SLC1A1: variants seen among roughly 807,000 people sequenced by gnomAD.
SLC1A1 encodes solute carrier family 1 member 1, also known as excitatory amino acid transporter 3.
A neutral mutation model predicts 53.3 loss-of-function variants in SLC1A1; 43 were observed. The observed-to-expected ratio is 0.81, with a 90% CI of 0.63 to 1.04. The LOEUF (loss-of-function observed/expected upper bound fraction) is 1.04. Among genes scored for constraint, SLC1A1 ranks in the 50% least tolerant of loss-of-function variants. The probability of loss-of-function intolerance (pLI) is 0.00; values close to 1 mark genes in which losing one functional copy is unlikely to be tolerated. For synonymous variants in SLC1A1, 307 were observed against 243.2 expected (o/e 1.26, Z -2.44); for missense variants, 748 against 664.9 (o/e 1.12, Z -1.37).
intron 1 of SLC1A1, among the ~76,000 whole-genome samples, chr9:4,536,354 A>AAAAC (rs202167533): frequency 0.35 from 52,498 of 151,740 alleles, 9,787 homozygotes; most frequent in Admixed American, 0.42. Context: ...ACAAGAAAAA[A>AAAAC]AAACAGCCCC....
At chr9:4,506,084 C>T (rs1388073528) in intron 1 of SLC1A1, among the ~76,000 whole-genome samples, 1 of 152,156 alleles carries the variant, frequency 6.6e-6, no homozygotes, top group East Asian at 1.9e-4. Context: ...CCTCTGCCTC[C>T]CAAATTGCTG....
intron 1 of SLC1A1, among the ~76,000 whole-genome samples, chr9:4,523,803 C>G (rs1261549201): frequency 6.6e-6 from 1 of 152,184 alleles, no homozygotes; most frequent in Non-Finnish European, 1.5e-5. Flanking sequence ...CCTAATGACT[C>G]CATGAGGTTG....
chr9:4,577,892 G>C (rs1820711287), intron 10 of SLC1A1, among the ~76,000 whole-genome samples: 1 of 152,194 alleles, frequency 6.6e-6, no homozygotes, highest in Non-Finnish European at 1.5e-5. Flanking sequence ...GTATTAGAAG[G>C]CACTGACACT....
chr9:4,514,217 C>G (rs1821088159), intron 1 of SLC1A1, among the ~76,000 whole-genome samples: 1 of 152,176 alleles, frequency 6.6e-6, no homozygotes, highest in Non-Finnish European at 1.5e-5. Flanking sequence ...CAAACATGCC[C>G]TTAAGAGTCA....
chr9:4,512,322 G>A (rs893387623), intron 1 of SLC1A1, among the ~76,000 whole-genome samples: 9 of 152,012 alleles, frequency 5.9e-5, no homozygotes, highest in African/African-American at 2.2e-4. Flanking sequence ...ACACCATCTT[G>A]GGCAACGTGG....
chr9:4,497,512 T>A (rs1586686701), intron 1 of SLC1A1, among the ~76,000 whole-genome samples: 1 of 152,336 alleles, frequency 6.6e-6, no homozygotes, highest in Non-Finnish European at 1.5e-5. Flanking sequence ...CTGAGCCATT[T>A]ATGACCCAGA....
intron 1 of SLC1A1, among the ~76,000 whole-genome samples, chr9:4,504,477 C>T (rs1481107031): frequency 3.9e-5 from 6 of 152,146 alleles, no homozygotes; most frequent in Admixed American, 6.6e-5. Flanking sequence ...ACCAAAGAGT[C>T]GGAAAATAAG....
chr9:4,542,427 C>G (rs951880285), intron 1 of SLC1A1, among the ~76,000 whole-genome samples: 1 of 152,158 alleles, frequency 6.6e-6, no homozygotes, highest in African/African-American at 2.4e-5. Flanking sequence ...AATGACCCTA[C>G]ATTAATTTAG....
intron 2 of SLC1A1, among the ~76,000 whole-genome samples, chr9:4,547,939 T>C (rs984415945): frequency 2.6e-5 from 4 of 152,036 alleles, no homozygotes; most frequent in African/African-American, 9.7e-5. Context: ...CACAACAGGA[T>C]AGTGTATACA....
intron 10 of SLC1A1, among the ~76,000 whole-genome samples, chr9:4,581,873 A>T (rs1821130506): frequency 6.6e-6 from 1 of 152,242 alleles, no homozygotes; most frequent in Admixed American, 6.5e-5. Context: ...GCTTTCTGCA[A>T]CACCTCAGTA....
Position 4,566,029 on chromosome 9 carries a change from CT to C in SLC1A1, c.441-14del. 6.2e-7 allele frequency: 1 copy of C among 1,605,658 alleles called. No individual in the cohort carries two copies. The highest frequency in any genetic ancestry group is 1.1e-5 in the South Asian group (1 of 90,908). ...ACTTTTTGCCCTAACATAATACTGC[CT>C]TTTATGTCTCCAACAGGAATATGTT... On this transcript the variant is annotated splice_polypyrimidine_tract_variant and intron_variant, in intron 4 of 11. Coordinates refer to ENST00000262352, the MANE Select transcript of SLC1A1 (RefSeq NM_004170.6).
At chr9:4,526,320 A>G (rs1256239799) in intron 1 of SLC1A1, among the ~76,000 whole-genome samples, 2 of 152,210 alleles carry the variant, frequency 1.3e-5, no homozygotes, top group Non-Finnish European at 2.9e-5. Flanking sequence ...CTTTGAATGA[A>G]CTGGATCTAC....
intron 1 of SLC1A1, among the ~76,000 whole-genome samples, chr9:4,497,852 C>G (rs536184986): frequency 1.3e-5 from 2 of 152,170 alleles, no homozygotes; most frequent in African/African-American, 4.8e-5. Context: ...CTCTCTGAGT[C>G]TTTGTTTCTT....
intron 7 of SLC1A1, among the ~76,000 whole-genome samples, chr9:4,573,476 CCAG>C (rs1820253431): frequency 1.3e-5 from 2 of 152,188 alleles, no homozygotes; most frequent in Admixed American, 1.3e-4. Flanking sequence ...ATGATCACTT[CCAG>C]TACTAATACT....
At chr9:4,508,077 G>A (rs990998131) in intron 1 of SLC1A1, among the ~76,000 whole-genome samples, 2 of 152,120 alleles carry the variant, frequency 1.3e-5, no homozygotes, top group Non-Finnish European at 2.9e-5. Context: ...TCAGTGGCTT[G>A]GAAGCCAAAT....
chr9:4,511,556 T>C (rs116316602), intron 1 of SLC1A1, among the ~76,000 whole-genome samples: 3,228 of 133,634 alleles, frequency 0.024, 125 homozygotes, highest in African/African-American at 0.089. Context: ...CCTTAAACTC[T>C]TAAGAATTCT....
rs186056053 is a variant in SLC1A1 at position 4,565,919 on chromosome 9, G to A, written c.441-128G>A. Reference sequence around the variant, plus strand: ...AAATCTCAATACAAGGAAGTATTACGCAAAGCAGGGGCCAGAAGAGAAACC... The same window carrying A: ...AAATCTCAATACAAGGAAGTATTACACAAAGCAGGGGCCAGAAGAGAAACC... On this transcript the variant is annotated intron_variant, in intron 4 of 11. Coordinates refer to ENST00000262352, the MANE Select transcript of SLC1A1 (RefSeq NM_004170.6). The A allele has an allele frequency of 1.4e-5, 11 of 785,852 alleles. No homozygotes were observed. The East Asian group carries it at 1.5e-4, about 11-fold the overall frequency. 48.7% of individuals were successfully genotyped at this position (785,852 alleles called of 1,614,324 possible). A position where few individuals can be genotyped will look rare whatever the true frequency, so the allele number is the denominator to read the frequency against.
intron 11 of SLC1A1, among the ~76,000 whole-genome samples, chr9:4,584,347 A>T (rs1045021492): frequency 3.9e-5 from 6 of 152,140 alleles, no homozygotes; most frequent in Non-Finnish European, 8.8e-5. Context: ...TTGAGTCAAG[A>T]TTTGGTTCTT....
chr9:4,578,197 T>G (rs1247465532), intron 10 of SLC1A1, among the ~76,000 whole-genome samples: 1 of 152,248 alleles, frequency 6.6e-6, no homozygotes, highest in East Asian at 1.9e-4. Context: ...AATAATGGTC[T>G]TCAAATGTGT....
Sources: gnomAD v4.1 joint callset for allele counts (sites outside exome capture counted in the v4.1 genomes callset) on GRCh38, gnomAD v4.1.1 for gene constraint, MANE v1.5 for transcripts, NCBI Gene and HGNC (gene_info 2026-07-23, HGNC 2026-07-21) for gene names.